The following HORMAD2 variants were observed in gnomAD, a reference collection of about 807,000 sequenced individuals.
The protein encoded by HORMAD2 is HORMA domain containing 2.
In HORMAD2, 45 loss-of-function variants were observed where a neutral mutation model predicts 38.8. That is an observed-to-expected ratio of 1.16 (90% CI 0.91 to 1.49). The LOEUF (loss-of-function observed/expected upper bound fraction) is 1.49, where lower values mean the gene tolerates loss of function less well. HORMAD2 is among the 40% of genes most tolerant of loss of function. The probability of loss-of-function intolerance (pLI) is 0.00; values close to 1 mark genes in which losing one functional copy is unlikely to be tolerated. For missense variants in HORMAD2, 338 were observed against 367.0 expected (o/e 0.92, Z 0.65); for synonymous variants, 126 against 122.8 (o/e 1.03, Z -0.17).
intron 3 of HORMAD2, among the ~76,000 whole-genome samples, chr22:30,102,569 G>A (rs1271541016): frequency 6.6e-6 from 1 of 152,180 alleles, no homozygotes; most frequent in Non-Finnish European, 1.5e-5. Flanking sequence ...AGGTGAAGTT[G>A]CTTATGCAAA....
chr22:30,091,971 G>A (rs532715108), intron 1 of HORMAD2, among the ~76,000 whole-genome samples: 15 of 151,998 alleles, frequency 9.9e-5, no homozygotes, highest in South Asian at 4.2e-4. Context: ...CCACCTCCCC[G>A]GTTCAAGTGA....
At chr22:30,113,054 C>A (rs1199586298) in intron 7 of HORMAD2, among the ~76,000 whole-genome samples, 1 of 152,058 alleles carries the variant, frequency 6.6e-6, no homozygotes, top group African/African-American at 2.4e-5. Flanking sequence ...TTTCTTCCCT[C>A]TGTTTAGGGA....
At chr22:30,159,783 G>A (rs1301349641) in intron 10 of HORMAD2, among the ~76,000 whole-genome samples, 1 of 152,056 alleles carries the variant, frequency 6.6e-6, no homozygotes, top group Non-Finnish European at 1.5e-5. Context: ...AAGACCAGTT[G>A]TGAGCTGCAG....
At chr22:30,141,663 C>A (rs950819448) in intron 10 of HORMAD2, among the ~76,000 whole-genome samples, 2 of 150,384 alleles carry the variant, frequency 1.3e-5, no homozygotes, top group African/African-American at 4.9e-5. Context: ...GGCACAATCT[C>A]GGCTTACTGC....
At chr22:30,150,575 TG>T (rs1474178876) in intron 10 of HORMAD2, among the ~76,000 whole-genome samples, 1 of 152,046 alleles carries the variant, frequency 6.6e-6, no homozygotes, top group Non-Finnish European at 1.5e-5. Context: ...CATTAAAGAG[TG>T]GGGGAACTAT....
chr22:30,106,521 G>A (rs2146098629), intron 5 of HORMAD2, among the ~76,000 whole-genome samples: 1 of 152,202 alleles, frequency 6.6e-6, no homozygotes, highest in Middle Eastern at 3.4e-3. Flanking sequence ...AGCTTTGGAG[G>A]CCCTGAATAT....
At chr22:30,089,039 AAG>A (rs1221234294) in intron 1 of HORMAD2, among the ~76,000 whole-genome samples, 2 of 152,172 alleles carry the variant, frequency 1.3e-5, no homozygotes, top group Non-Finnish European at 2.9e-5. Flanking sequence ...AATATTGTAA[AAG>A]AGTGTCCCCT....
chr22:30,078,421 C>T (rs1274143508), upstream of HORMAD2, among the ~76,000 whole-genome samples: 2 of 151,680 alleles, frequency 1.3e-5, no homozygotes, highest in Non-Finnish European at 2.9e-5. Flanking sequence ...GCCTGGCCAA[C>T]ATGGTGAAAC....
Position 30,145,051 on chromosome 22 carries a change from G to C in HORMAD2, c.819+22837G>C, listed in dbSNP as rs1411938264. Among the ~76,000 whole-genome samples the C allele has an allele frequency of 2.0e-5, 3 of 152,224 alleles. No homozygotes were observed. The East Asian group carries it at 5.8e-4, about 29-fold the overall frequency. On this transcript the variant is annotated intron_variant, in intron 10 of 10. Transcript: ENST00000336726. ...CTTGGTTCAAATACCACCAACTTTTGTTGTTCTTGGCAAATTTTAGAAGAT... is the reference window on the plus strand; with the variant it reads ...CTTGGTTCAAATACCACCAACTTTTCTTGTTCTTGGCAAATTTTAGAAGAT...
At chr22:30,133,239 G>C (rs1182364806) in intron 10 of HORMAD2, among the ~76,000 whole-genome samples, 2 of 151,830 alleles carry the variant, frequency 1.3e-5, no homozygotes, top group Non-Finnish European at 2.9e-5. Context: ...TTTTCTATTT[G>C]ATGCTAAATT....
At chr22:30,115,211 T>G (rs1483164885) in intron 7 of HORMAD2, among the ~76,000 whole-genome samples, 4 of 152,128 alleles carry the variant, frequency 2.6e-5, no homozygotes, top group African/African-American at 9.7e-5. Flanking sequence ...ATGGCAGCCT[T>G]GACCTTCTAG....
At chr22:30,119,275 G>A (rs929478505) in intron 8 of HORMAD2, among the ~76,000 whole-genome samples, 2 of 152,128 alleles carry the variant, frequency 1.3e-5, no homozygotes, top group African/African-American at 4.8e-5. Flanking sequence ...TAGAAATTAT[G>A]TCAATAAGGT....
chr22:30,103,355 G>A (rs958395664), intron 3 of HORMAD2, 82 bp from the exon 4 acceptor site: 19 of 758,594 alleles, frequency 2.5e-5, no homozygotes, highest in Non-Finnish European at 3.8e-5. Context: ...AATAGTTAAA[G>A]GAAATACCCT....
chr22:30,121,579 A>T, intron 8 of HORMAD2, 53 bp from the exon 9 acceptor site: 2 of 1,385,562 alleles, frequency 1.4e-6, no homozygotes, highest in Non-Finnish European at 1.9e-6. Flanking sequence ...TCCTTTTGGG[A>T]TAGATTGCCA....
intron 2 of HORMAD2, among the ~76,000 whole-genome samples, chr22:30,094,442 A>G (rs1182384319): frequency 1.3e-5 from 2 of 152,220 alleles, no homozygotes; most frequent in African/African-American, 4.8e-5. Context: ...CATATAGTTT[A>G]GTTTGTCTCA....
At chr22:30,180,569 C>A (rs146813668), downstream of HORMAD2, among the ~76,000 whole-genome samples, 1 of 152,216 alleles carries the variant, frequency 6.6e-6, no homozygotes, top group South Asian at 2.1e-4. Flanking sequence ...TATTTCATCT[C>A]TCTAGCCCCC....
At chr22:30,122,902 G>A (rs932837550) in intron 10 of HORMAD2, among the ~76,000 whole-genome samples, 24 of 152,178 alleles carry the variant, frequency 1.6e-4, no homozygotes, top group Admixed American at 1.4e-3. Flanking sequence ...ACAACATTGT[G>A]TTAAAAGGGT....
At chr22:30,120,088 A>T (rs1273401115) in intron 8 of HORMAD2, among the ~76,000 whole-genome samples, 1 of 152,166 alleles carries the variant, frequency 6.6e-6, no homozygotes, top group Non-Finnish European at 1.5e-5. Flanking sequence ...GCCAGATTAA[A>T]CTCTTTTGTT....
intron 10 of HORMAD2, among the ~76,000 whole-genome samples, chr22:30,174,004 A>C (rs1387708226): frequency 6.6e-6 from 1 of 152,182 alleles, no homozygotes; most frequent in African/African-American, 2.4e-5. Context: ...TACTAAACCA[A>C]AGATGGAAAG....
Sources: allele counts gnomAD v4.1 joint callset (sites outside exome capture counted in the v4.1 genomes callset), GRCh38; gene constraint gnomAD v4.1.1; transcripts MANE v1.5; gene names NCBI Gene and HGNC (gene_info 2026-07-23, HGNC 2026-07-21).